Variants in LATS2 observed in about 807,000 individuals in gnomAD.
The protein encoded by LATS2 is serine/threonine-protein kinase LATS2.
Under a neutral mutation model 76.0 loss-of-function variants are expected in LATS2, and 24 were observed. The observed-to-expected ratio is 0.32, with a 90% CI of 0.23 to 0.44. LATS2 has a LOEUF of 0.44. Among genes scored for constraint, LATS2 ranks in the 20% least tolerant of loss-of-function variants. The probability of loss-of-function intolerance (pLI) is 1.00; values close to 1 mark genes in which losing one functional copy is unlikely to be tolerated. For missense variants in LATS2, 1,286 were observed against 1,481.2 expected (o/e 0.87, Z 2.16); for synonymous variants, 692 against 635.4 (o/e 1.09, Z -1.34).
intron 2 of LATS2, among the ~76,000 whole-genome samples, chr13:20,998,751 C>G (rs957294240): frequency 6.6e-6 from 1 of 152,202 alleles, no homozygotes; most frequent in African/African-American, 2.4e-5. Context: ...CGGGGCGAGG[C>G]GGGGCGGGGC....
chr13:21,013,701 C>T (rs955000130), intron 2 of LATS2, among the ~76,000 whole-genome samples: 2 of 152,136 alleles, frequency 1.3e-5, no homozygotes, highest in Non-Finnish European at 1.5e-5. Context: ...TGCAGCGGCT[C>T]GAGCCTGCAA....
chr13:20,987,884 G>C lies in LATS2; in HGVS notation c.1896C>G (p.Ala632=). 6.2e-7 allele frequency: 1 copy of C among 1,611,794 alleles called. No homozygotes were observed. Residue 632 remains alanine (A), a synonymous_variant, in exon 4 of 8, where the codon GCC becomes GCG. Transcript: ENST00000382592. ...TAAAAATGAAGTGTGAAATTACTTT[G>C]GCCATTTCTTGCTCCAGCTGCAGCC... The part of the protein sequence containing the change: ...NRRLQLEQEM[A]KAGLCEAEQE...
chr13:20,988,724 C>G lies in LATS2; in HGVS notation c.1056G>C (p.Arg352=). 6.4e-7 allele frequency: 1 copy of G among 1,565,588 alleles called. No individual in the cohort carries two copies. The highest frequency in any genetic ancestry group is 8.6e-7 in the Non-Finnish European group (1 of 1,162,928). The change falls in exon 4 of 8, where the codon CGG becomes CGC. Residue 352 remains arginine (R), a synonymous_variant. Transcript: ENST00000382592. ...SPPQSLLTPS[R]NSLNVDLYEL... is the part of the protein sequence containing the mutation. ...CATACAGGTCCACGTTGAGGCTGTT[C>G]CGCGAGGGAGTGAGCAGGCTCTGCG... is the stretch of plus-strand genomic sequence containing the variant.
intron 2 of LATS2, among the ~76,000 whole-genome samples, chr13:21,026,394 G>A (rs149677867): frequency 2.8e-4 from 42 of 152,056 alleles, no homozygotes; most frequent in Non-Finnish European, 5.0e-4. Flanking sequence ...AGCATCTTTC[G>A]TGCAGCATGA....
At chr13:20,980,320 C>A (rs1353204563) in intron 6 of LATS2, among the ~76,000 whole-genome samples, 2 of 152,206 alleles carry the variant, frequency 1.3e-5, no homozygotes, top group South Asian at 4.1e-4. Flanking sequence ...GCCTTCCTCA[C>A]GGGGCTCCCA....
chr13:21,031,618 G>A (rs1199910478), intron 2 of LATS2, among the ~76,000 whole-genome samples: 3 of 152,128 alleles, frequency 2.0e-5, no homozygotes, highest in Non-Finnish European at 4.4e-5. Context: ...TTGGGAAGTT[G>A]GGGAGGGGGA....
intron 1 of LATS2, among the ~76,000 whole-genome samples, chr13:21,059,087 G>C (rs980800967): frequency 6.6e-6 from 1 of 152,170 alleles, no homozygotes; most frequent in African/African-American, 2.4e-5. Context: ...CAAAACACTT[G>C]TGCAAGATCA....
At chr13:20,978,758 CT>C (rs1415107939) in intron 7 of LATS2, among the ~76,000 whole-genome samples, 1 of 152,056 alleles carries the variant, frequency 6.6e-6, no homozygotes, top group African/African-American at 2.4e-5. Flanking sequence ...CCTATTTTCT[CT>C]TCTTTATGAT....
chr13:21,021,559 C>A (rs1441528282), intron 2 of LATS2, among the ~76,000 whole-genome samples: 4 of 136,738 alleles, frequency 2.9e-5, no homozygotes, highest in Non-Finnish European at 6.3e-5. Flanking sequence ...GAAAACAAAA[C>A]CCTTTGCCAA....
chr13:21,030,557 C>A (rs1872484831), intron 2 of LATS2, among the ~76,000 whole-genome samples: 2 of 137,836 alleles, frequency 1.5e-5, no homozygotes, highest in Admixed American at 1.6e-4. Flanking sequence ...CCACTGCACT[C>A]CAGCCTGGGC....
chr13:21,003,602 C>T (rs1313370882), intron 2 of LATS2, among the ~76,000 whole-genome samples: 11 of 151,994 alleles, frequency 7.2e-5, no homozygotes, highest in Admixed American at 4.6e-4. Flanking sequence ...CCACCACACC[C>T]GGCTAATTTT....
At chr13:21,020,940 T>C (rs911962685) in intron 2 of LATS2, among the ~76,000 whole-genome samples, 2 of 152,232 alleles carry the variant, frequency 1.3e-5, no homozygotes, top group African/African-American at 4.8e-5. Flanking sequence ...TTCACTTTAT[T>C]ATCTTTAAGC....
In LATS2 at chr13:21,045,700, G is replaced by T. The variant is rs139318881; in HGVS notation, c.327C>A (p.Asn109Lys). Residue 109 changes from asparagine to lysine, a missense_variant, in exon 2 of 8, where the codon AAC (asparagine) becomes AAA (lysine). This residue lies in a region of LATS2 where 101 missense variants were observed against 141.4 expected (regional missense o/e 0.71). Transcript: ENST00000382592. ...CTGTACCCACCTGGTCGCATCCTGCGTTCACCAGTTCCTGCAGCATTTGCC... is the reference window on the plus strand; with the variant it reads ...CTGTACCCACCTGGTCGCATCCTGCTTTCACCAGTTCCTGCAGCATTTGCC... The part of the protein sequence containing the change: ...VNRQMLQELV[N>K]AGCDQEMAGR... 5 of 1,613,716 alleles carry T rather than the reference G, an allele frequency of 3.1e-6. No individual in the cohort carries two copies. In the African/African-American group the frequency reaches 6.7e-5, roughly 22 times the overall value.
At chr13:21,030,613 A>AAAAAAG (rs1872497077) in intron 2 of LATS2, among the ~76,000 whole-genome samples, 5 of 19,520 alleles carry the variant, frequency 2.6e-4, no homozygotes, top group African/African-American at 3.8e-4. Flanking sequence ...AAAAAAAAAG[A>AAAAAAG]AAAAAAAAAA....
intron 1 of LATS2, among the ~76,000 whole-genome samples, chr13:21,052,837 G>A (rs990813040): frequency 2.6e-5 from 4 of 152,222 alleles, no homozygotes; most frequent in African/African-American, 9.6e-5. Flanking sequence ...GATGCTGACT[G>A]CGGCTCAAAC....
intron 7 of LATS2, among the ~76,000 whole-genome samples, chr13:20,978,479 A>C (rs1277901456): frequency 6.6e-6 from 1 of 152,222 alleles, no homozygotes; most frequent in Non-Finnish European, 1.5e-5. Flanking sequence ...ACTTTGAATG[A>C]ATATTAGGAA....
chr13:21,059,140 TTTC>T (rs1873542594), intron 1 of LATS2, among the ~76,000 whole-genome samples: 1 of 152,226 alleles, frequency 6.6e-6, no homozygotes, highest in Non-Finnish European at 1.5e-5. Flanking sequence ...AGTATATTTG[TTTC>T]TTATTAAAAT....
chr13:21,016,134 C>T (rs1278251506), intron 2 of LATS2, among the ~76,000 whole-genome samples: 1 of 150,896 alleles, frequency 6.6e-6, no homozygotes, highest in East Asian at 1.9e-4. Flanking sequence ...AGATTATAGG[C>T]ACTCGCCATC....
intron 2 of LATS2, among the ~76,000 whole-genome samples, chr13:21,045,114 C>A (rs578070535): frequency 1.3e-5 from 2 of 151,158 alleles, no homozygotes; most frequent in East Asian, 1.9e-4. Flanking sequence ...GACTGTGTTG[C>A]CACAATTTTG....
Sources: allele counts gnomAD v4.1 joint callset (sites outside exome capture counted in the v4.1 genomes callset), GRCh38; gene constraint gnomAD v4.1.1; regional missense constraint gnomAD v4.1.1; transcripts MANE v1.5; gene names NCBI Gene and HGNC (gene_info 2026-07-23, HGNC 2026-07-21).